Variants in PLCB1 observed in about 807,000 individuals in gnomAD.
PLCB1 encodes 1-phosphatidylinositol 4,5-bisphosphate phosphodiesterase beta-1.
Under a neutral mutation model 161.8 loss-of-function variants are expected in PLCB1, and 46 were observed. That is an observed-to-expected ratio of 0.28 (90% CI 0.22 to 0.36). The LOEUF (loss-of-function observed/expected upper bound fraction) is 0.36, where lower values mean the gene tolerates loss of function less well. Among genes scored for constraint, PLCB1 ranks in the 10% least tolerant of loss-of-function variants. The pLI is 1.00. For synonymous variants in PLCB1, 517 were observed against 503.7 expected (o/e 1.03, Z -0.35); for missense variants, 1,016 against 1,472.5 (o/e 0.69, Z 5.07).
intron 2 of PLCB1, among the ~76,000 whole-genome samples, chr20:8,341,622 A>C: frequency 6.6e-6 from 1 of 152,216 alleles, no homozygotes. Context: ...TAATCAAAGC[A>C]GCTTCCTTCA....
At chr20:8,476,303 G>A (rs567059405) in intron 3 of PLCB1, among the ~76,000 whole-genome samples, 1 of 151,214 alleles carries the variant, frequency 6.6e-6, no homozygotes, top group African/African-American at 2.4e-5. Flanking sequence ...TTGTTCAAGT[G>A]TGTCAAGTGT....
chr20:8,656,898 G>C (rs1989475515), intron 7 of PLCB1, among the ~76,000 whole-genome samples: 1 of 151,660 alleles, frequency 6.6e-6, no homozygotes, highest in Non-Finnish European at 1.5e-5. Context: ...CCTTTAGCAG[G>C]AGACAATTCT....
At chr20:8,261,857 A>G (rs373286554) in intron 2 of PLCB1, among the ~76,000 whole-genome samples, 2 of 152,170 alleles carry the variant, frequency 1.3e-5, no homozygotes, top group East Asian at 1.9e-4. Context: ...TTCTCATTGA[A>G]ATAAAGTCCA....
intron 3 of PLCB1, among the ~76,000 whole-genome samples, chr20:8,462,593 G>T (rs1242170495): frequency 6.6e-6 from 1 of 152,134 alleles, no homozygotes; most frequent in Non-Finnish European, 1.5e-5. Flanking sequence ...CTTCCCATTT[G>T]CATTGATCAG....
intron 3 of PLCB1, among the ~76,000 whole-genome samples, chr20:8,469,026 G>T (rs1981936818): frequency 6.6e-6 from 1 of 152,108 alleles, no homozygotes; most frequent in Admixed American, 6.5e-5. Context: ...TTTGAGGTGG[G>T]TCCTGAGATT....
At chr20:8,373,624 A>G (rs1324504327) in intron 3 of PLCB1, among the ~76,000 whole-genome samples, 3 of 152,190 alleles carry the variant, frequency 2.0e-5, no homozygotes, top group Non-Finnish European at 4.4e-5. Context: ...AAATTTGAGC[A>G]CCACTGCCTT....
chr20:8,370,039 G>A (rs967724304), intron 2 of PLCB1, among the ~76,000 whole-genome samples: 1 of 152,210 alleles, frequency 6.6e-6, no homozygotes, highest in Non-Finnish European at 1.5e-5. Flanking sequence ...AGAAGTTACA[G>A]CCACTCCTAT....
At chr20:8,721,901 G>T (rs1314633546) in intron 14 of PLCB1, among the ~76,000 whole-genome samples, 3 of 150,350 alleles carry the variant, frequency 2.0e-5, no homozygotes, top group Admixed American at 1.3e-4. Flanking sequence ...CGCATTGCAT[G>T]GAAGAGTCGC....
At chr20:8,477,835 C>T (rs145565788) in intron 3 of PLCB1, among the ~76,000 whole-genome samples, 3 of 152,314 alleles carry the variant, frequency 2.0e-5, no homozygotes, top group Non-Finnish European at 2.9e-5. Flanking sequence ...CCAAGCAGCT[C>T]CCACTAGGCC....
chr20:8,826,491 G>A (rs1353598704), intron 31 of PLCB1, among the ~76,000 whole-genome samples: 104 of 102,972 alleles, frequency 1.0e-3, no homozygotes, highest in Non-Finnish European at 1.8e-3. Flanking sequence ...GCGAGACTCC[G>A]TCTCAAAAAA....
At chr20:8,193,541 T>C (rs763993109) in intron 2 of PLCB1, among the ~76,000 whole-genome samples, 2 of 151,958 alleles carry the variant, frequency 1.3e-5, no homozygotes, top group Non-Finnish European at 2.9e-5. Flanking sequence ...TAGAAGGAGA[T>C]ATAAAAAACA....
At chr20:8,620,644 C>T (rs1988153303) in intron 3 of PLCB1, among the ~76,000 whole-genome samples, 1 of 150,440 alleles carries the variant, frequency 6.6e-6, no homozygotes, top group Non-Finnish European at 1.5e-5. Context: ...GGGGCTGAGG[C>T]CTAAGAATCG....
chr20:8,377,000 C>T (rs1206832704), intron 3 of PLCB1, among the ~76,000 whole-genome samples: 2 of 151,970 alleles, frequency 1.3e-5, no homozygotes, highest in Non-Finnish European at 2.9e-5. Context: ...CTTTGGGCAA[C>T]TATTTCCATG....
Position 8,717,779 on chromosome 20 carries a change from C to A in PLCB1, c.1444C>A (p.Leu482Ile), listed in dbSNP as rs748699747. The stretch of plus-strand genomic sequence containing the variant: ...ATCAGAAGGAAGCGGCAAAAAGAAG[C>A]TCTCAGAACAAGCCTCCAACACCTA... Reference protein sequence around the residue: ...KSSEGSGKKKLSEQASNTYSD... With the variant: ...KSSEGSGKKKISEQASNTYSD... Residue 482 changes from leucine to isoleucine, a missense_variant, in exon 14 of 32, where the codon CTC becomes ATC. Physicochemically the swap from Leu to Ile is conservative, Grantham distance 5. This residue lies in a region of PLCB1 where 109 missense variants were observed against 129.7 expected (regional missense o/e 0.84). Transcript: ENST00000338037. The A allele has an allele frequency of 1.2e-6, 2 of 1,614,000 alleles. No homozygotes were observed. The highest frequency in any genetic ancestry group is 1.7e-5 in the Admixed American group (1 of 60,004).
intron 3 of PLCB1, among the ~76,000 whole-genome samples, chr20:8,601,202 G>C (rs570465718): frequency 1.1e-3 from 173 of 152,348 alleles, no homozygotes; most frequent in African/African-American, 3.9e-3. Context: ...CAAAGAAGTA[G>C]AGAGAAAATT....
chr20:8,874,931 A>G (rs867099094), intron 31 of PLCB1, among the ~76,000 whole-genome samples: 40 of 151,920 alleles, frequency 2.6e-4, no homozygotes, highest in Admixed American at 2.6e-3. Flanking sequence ...TTATTGCCCA[A>G]TGTTTCAAAG....
In PLCB1 at chr20:8,794,629, A is replaced by G. The variant is rs185930376; in HGVS notation, c.3423+4368A>G. On this transcript the variant is annotated intron_variant, in intron 31 of 31. Coordinates refer to ENST00000338037, the MANE Select transcript of PLCB1 (RefSeq NM_015192.4). ...ACTTTCTCTTCATCCACTTATTCTA[A>G]CTAATGTAATAGTGTGTTTCATGTT... Among the ~76,000 whole-genome samples the G allele has an allele frequency of 2.2e-3, 341 of 152,308 alleles. 2 individuals are homozygous for G. Among genetic ancestry groups the G allele is most frequent in the Admixed American group, 0.02 (302 of 15,302 alleles).
chr20:8,500,915 G>A (rs1050660843), intron 3 of PLCB1, among the ~76,000 whole-genome samples: 16 of 152,300 alleles, frequency 1.1e-4, no homozygotes, highest in Non-Finnish European at 1.8e-4. Flanking sequence ...TGAAATCATA[G>A]CTAAAACAGT....
chr20:8,273,548 A>C (rs187380115), intron 2 of PLCB1, among the ~76,000 whole-genome samples: 1 of 152,130 alleles, frequency 6.6e-6, no homozygotes, highest in Admixed American at 6.6e-5. Context: ...CTGCTTTGCC[A>C]CTTCAAAGCA....
Sources: gnomAD v4.1 joint callset for allele counts (sites outside exome capture counted in the v4.1 genomes callset) on GRCh38, gnomAD v4.1.1 for gene constraint, gnomAD v4.1.1 regional missense constraint, MANE v1.5 for transcripts, NCBI Gene and HGNC (gene_info 2026-07-23, HGNC 2026-07-21) for gene names.